Variants in VWA5B1 observed in about 807,000 individuals in gnomAD.
VWA5B1 encodes von Willebrand factor A domain containing 5B1.
In VWA5B1, 115 loss-of-function variants were observed where a neutral mutation model predicts 118.2. The ratio of observed to expected loss-of-function variants is 0.97; its 90% CI spans 0.84 to 1.14. The LOEUF is 1.14. Ranked by LOEUF, VWA5B1 falls within the 50% of genes most tolerant of loss-of-function variation. The pLI is 0.00. For synonymous variants in VWA5B1, 682 were observed against 658.4 expected (o/e 1.04, Z -0.55); for missense variants, 1,596 against 1,603.8 (o/e 1.00, Z 0.08).
chr1:20,297,492 C>T (rs2088426725), intron 1 of VWA5B1, among the ~76,000 whole-genome samples: 1 of 152,240 alleles, frequency 6.6e-6, no homozygotes, highest in South Asian at 2.1e-4. Flanking sequence ...GGAGCTGCAG[C>T]TTACCACGCA....
In VWA5B1 at chr1:20,333,069, C is replaced by CTGTGGGTTTACAGTTTTCCCAGT. The variant is rs1182130246; in HGVS notation, c.1758+134_1758+156dup. 3 of 1,270,528 alleles carry CTGTGGGTTTACAGTTTTCCCAGT rather than the reference C, an allele frequency of 2.4e-6. No homozygotes were observed. The African/African-American group carries it at 4.5e-5, about 19-fold the overall frequency. The allele number at this position is 1,270,528 out of a possible 1,614,324, so 78.7% of individuals were successfully genotyped here. A position where few individuals can be genotyped will look rare whatever the true frequency, so the allele number is the denominator to read the frequency against. On this transcript the variant is annotated intron_variant, in intron 12 of 21. Transcript: ENST00000289815. ...AAACCAACTGGAAGTGGGTTTGCAG[C>CTGTGGGTTTACAGTTTTCCCAGT]TGTGGGTTTACAGTTTTCCCAGTTG... is the stretch of plus-strand genomic sequence containing the variant.
At position 20,354,857 on chromosome 1, in the gene VWA5B1, AACGCTT is replaced by A. The variant is rs1156871982; in HGVS notation, c.*595_*600del. ...AGCCAATTGGAGAAGCATCCTTCTC[AACGCTT>A]TACAAAAGAGTAGTTTGGGGGCCTT... On this transcript the variant is annotated 3_prime_UTR_variant, in exon 22 of 22. Coordinates refer to ENST00000289815, the MANE Select transcript of VWA5B1 (RefSeq NM_001039500.3). 6.5e-6 allele frequency: 1 copy of A among 152,698 alleles called. No individual in the cohort carries two copies. Among genetic ancestry groups the A allele is most frequent in the Non-Finnish European group, 1.5e-5 (1 of 68,468 alleles). 9.5% of individuals were successfully genotyped at this position (152,698 alleles called of 1,614,324 possible). A position where few individuals can be genotyped will look rare whatever the true frequency, so the allele number is the denominator to read the frequency against.
intron 4 of VWA5B1, 54 bp downstream of exon 4, chr1:20,314,646 C>A: frequency 3.3e-6 from 5 of 1,530,708 alleles, no homozygotes; most frequent in South Asian, 1.2e-5. Context: ...GCAGAGAGTG[C>A]GTCAGGTGAC....
chr1:20,333,622 G>A (rs186293937), intron 12 of VWA5B1, among the ~76,000 whole-genome samples: 6 of 152,342 alleles, frequency 3.9e-5, no homozygotes, highest in African/African-American at 1.4e-4. Flanking sequence ...AATGCACTCA[G>A]ATTTCCTTCT....
At position 20,342,629 on chromosome 1, in the gene VWA5B1, A is replaced by C. The variant is rs745817812; in HGVS notation, c.2311+20A>C. On this transcript the variant is annotated intron_variant, in intron 15 of 21. Transcript: ENST00000289815. The stretch of plus-strand genomic sequence containing the variant: ...ATCTGGGTAAGTGACCACAGGGTCC[A>C]GGACCCAACTGGGGACAGGGAGGAA... The C allele has an allele frequency of 6.9e-7, 1 of 1,455,162 alleles. No homozygotes were observed. The highest frequency in any genetic ancestry group is 9.1e-7 in the Non-Finnish European group (1 of 1,102,544). 90.1% of individuals were successfully genotyped at this position (1,455,162 alleles called of 1,614,324 possible). A position where few individuals can be genotyped will look rare whatever the true frequency, so the allele number is the denominator to read the frequency against.
Position 20,354,246 on chromosome 1 carries a change from A to C in VWA5B1, c.3631A>C (p.Asn1211His). Residue 1211 changes from asparagine to histidine, a missense_variant, in exon 22 of 22, where the codon AAC (asparagine) becomes CAC (histidine). By Grantham distance (68) the Asn-to-His change is moderately conservative. Transcript: ENST00000289815. ...TCTCGAGTTCAATATGCTCTGCTAT[A>C]ACCCGAATTATGTGTAGTTGAGTGA... ...ENLEFNMLCY[N>H]PNYV is the part of the protein sequence containing the mutation. 6.5e-7 allele frequency: 1 copy of C among 1,547,294 alleles called. No individual in the cohort carries two copies.
At chr1:20,327,547 C>T (rs1300122080) in intron 8 of VWA5B1, among the ~76,000 whole-genome samples, 1 of 152,102 alleles carries the variant, frequency 6.6e-6, no homozygotes, top group African/African-American at 2.4e-5. Context: ...CCCCACCTCT[C>T]AGGATCAGGA....
At position 20,326,611 on chromosome 1, in the gene VWA5B1, G is replaced by A. The variant is rs559639069; in HGVS notation, c.1144-1279G>A. Among the ~76,000 whole-genome samples, 14 of 152,166 alleles carry A rather than the reference G, an allele frequency of 9.2e-5. No homozygotes were observed. In the South Asian group the frequency reaches 2.5e-3, roughly 27 times the overall value. ...CTCCTGAGTAGCTGGGATTACAGGC[G>A]TGTACCACCATGCCCGGCTAATATT... On this transcript the variant is annotated intron_variant, in intron 8 of 21. Transcript: ENST00000289815.
At chr1:20,332,993 A>T in intron 12 of VWA5B1, 42 bp downstream of exon 12, 1 of 1,539,974 alleles carries the variant, frequency 6.5e-7, no homozygotes, top group South Asian at 1.2e-5. Flanking sequence ...TGGGCCCAGA[A>T]CCCATGCCTA....
chr1:20,339,639 C>T (rs41264535), intron 14 of VWA5B1, among the ~76,000 whole-genome samples: 18 of 152,264 alleles, frequency 1.2e-4, no homozygotes, highest in Non-Finnish European at 2.4e-4. Flanking sequence ...TTCACTCTCC[C>T]TATATGCCCC....
At chr1:20,297,420 C>A (rs1041517322) in intron 1 of VWA5B1, among the ~76,000 whole-genome samples, 3 of 152,242 alleles carry the variant, frequency 2.0e-5, no homozygotes, top group Non-Finnish European at 4.4e-5. Context: ...AAGTGACACA[C>A]GTCGCTTCCA....
At position 20,354,508 on chromosome 1, in the gene VWA5B1, C is replaced by T. The variant is rs933464134; in HGVS notation, c.*245C>T. 1.8e-5 allele frequency: 10 copies of T among 543,822 alleles called. No individual in the cohort carries two copies. The highest frequency in any genetic ancestry group is 3.3e-5 in the East Asian group (1 of 30,716). The allele number at this position is 543,822 out of a possible 1,614,324, so 33.7% of individuals were successfully genotyped here. On this transcript the variant is annotated 3_prime_UTR_variant, in exon 22 of 22. Coordinates refer to ENST00000289815, the MANE Select transcript of VWA5B1 (RefSeq NM_001039500.3). ...TTTCCTCATCTATAAAATAAGAGGG[C>T]GAGATGAAGGAGGTGGAGTGGATCT...
At chr1:20,307,797 G>T (rs535842293) in intron 1 of VWA5B1, among the ~76,000 whole-genome samples, 198 of 135,552 alleles carry the variant, frequency 1.5e-3, no homozygotes, top group African/African-American at 5.8e-3. Context: ...TCTTTCCAAG[G>T]GGTTCTGACA....
intron 14 of VWA5B1, among the ~76,000 whole-genome samples, chr1:20,339,417 C>T (rs563194754): frequency 6.6e-6 from 1 of 152,210 alleles, no homozygotes; most frequent in East Asian, 1.9e-4. Flanking sequence ...TGGCACATGC[C>T]TGTAATTCCA....
At chr1:20,301,306 G>A (rs1557827358) in intron 1 of VWA5B1, among the ~76,000 whole-genome samples, 1 of 152,332 alleles carries the variant, frequency 6.6e-6, no homozygotes, top group East Asian at 1.9e-4. Flanking sequence ...CATTTACTGG[G>A]GACCAGAAAC....
chr1:20,302,169 A>G (rs1175793049), intron 1 of VWA5B1, among the ~76,000 whole-genome samples: 2 of 152,092 alleles, frequency 1.3e-5, no homozygotes, highest in Non-Finnish European at 2.9e-5. Flanking sequence ...GCTGGACTCC[A>G]GGTCTCTCAG....
At chr1:20,314,127 G>A (rs1283922618) in intron 3 of VWA5B1, among the ~76,000 whole-genome samples, 195 bp from the exon 4 acceptor site, 1 of 152,142 alleles carries the variant, frequency 6.6e-6, no homozygotes, top group African/African-American at 2.4e-5. Context: ...AGAGTGGAAA[G>A]TTCACAGGCC....
intron 1 of VWA5B1, among the ~76,000 whole-genome samples, chr1:20,293,672 G>T (rs2088353826): frequency 6.6e-6 from 1 of 152,220 alleles, no homozygotes; most frequent in Admixed American, 6.5e-5. Context: ...ATCCCTGGGG[G>T]AACTGGGAAC....
chr1:20,333,684 CT>C (rs2089635970), intron 12 of VWA5B1, among the ~76,000 whole-genome samples: 2 of 152,196 alleles, frequency 1.3e-5, no homozygotes, highest in Non-Finnish European at 2.9e-5. Flanking sequence ...TGTTTTATTT[CT>C]TTACGTGGAT....
Sources: allele counts gnomAD v4.1 joint callset (sites outside exome capture counted in the v4.1 genomes callset), GRCh38; gene constraint gnomAD v4.1.1; transcripts MANE v1.5; gene names NCBI Gene and HGNC (gene_info 2026-07-23, HGNC 2026-07-21).